Variants in CCND2 observed in about 807,000 individuals in gnomAD.
CCND2 encodes cyclin D2, also known as G1/S-specific cyclin-D2.
Under a neutral mutation model 30.2 loss-of-function variants are expected in CCND2, and 6 were observed. The ratio of observed to expected loss-of-function variants is 0.20; its 90% CI spans 0.11 to 0.39. The LOEUF (loss-of-function observed/expected upper bound fraction) is 0.39. Among genes scored for constraint, CCND2 ranks in the 10% least tolerant of loss-of-function variants. CCND2 has a pLI of 1.00. For synonymous variants in CCND2, 150 were observed against 153.1 expected (o/e 0.98, Z 0.15); for missense variants, 235 against 373.4 (o/e 0.63, Z 3.06).
intron 4 of CCND2, among the ~76,000 whole-genome samples, chr12:4,289,938 C>A (rs867436939): frequency 1.3e-5 from 2 of 152,134 alleles, no homozygotes; most frequent in Non-Finnish European, 1.5e-5. Flanking sequence ...TGAAAAAAAA[C>A]CCTGGGGTTT....
At position 4,279,361 on chromosome 12, in the gene CCND2, C is replaced by T. The variant is rs191989848; in HGVS notation, c.571+442C>T. ...AACGTCAAGATAAATATGCTGCCTG[C>T]CTTGATTAGTGGTAAGGGAGACCAA... On this transcript the variant is annotated intron_variant, in intron 3 of 4. Transcript: ENST00000261254. Among the ~76,000 whole-genome samples the T allele has an allele frequency of 4.6e-5, 7 of 151,668 alleles. No individual in the cohort carries two copies. The East Asian group carries it at 1.4e-3, about 29-fold the overall frequency.
rs1864006782 is a variant in CCND2, at chr12:4,285,210, G to A, written c.572-3632G>A. The A allele has an allele frequency of 1.2e-6, 1 of 823,834 alleles. No homozygotes were observed. Among genetic ancestry groups the A allele is most frequent in the Non-Finnish European group, 1.5e-6 (1 of 682,770 alleles). 51.0% of individuals were successfully genotyped at this position (823,834 alleles called of 1,614,324 possible). On this transcript the variant is annotated intron_variant, in intron 3 of 4. Coordinates refer to ENST00000261254, the MANE Select transcript of CCND2 (RefSeq NM_001759.4). This position sits in a 1 kb window ranked among gnomAD's most constrained non-coding sequence, Gnocchi z 4.1. Reference sequence around the variant, plus strand: ...TCCATGCTGCCTGGAACAGGGAGGAGCACATTGTCATGAGTCGATCAGAAT... The same window carrying A: ...TCCATGCTGCCTGGAACAGGGAGGAACACATTGTCATGAGTCGATCAGAAT...
rs1302702445 is a variant in CCND2, at chr12:4,276,971, C to G, written c.411+751C>G. Among the ~76,000 whole-genome samples, 1 of 152,222 alleles carries G rather than the reference C, an allele frequency of 6.6e-6. No individual in the cohort carries two copies. The highest frequency in any genetic ancestry group is 1.5e-5 in the Non-Finnish European group (1 of 68,048). ...GCCCACCTTCGGTGGTTTGCACACC[C>G]CTCTTTGCACTGTTCAGAAAAGCAC... On this transcript the variant is annotated intron_variant, in intron 2 of 4. Transcript: ENST00000261254. This position sits in a 1 kb window ranked among gnomAD's most constrained non-coding sequence, Gnocchi z 4.8.
chr12:4,299,572 A>G lies in CCND2; in HGVS notation c.721-288A>G, dbSNP rs1057322810. Reference sequence around the variant, plus strand: ...TAGGCCAGTGCTTCTCAGAATGCCAATCACCTGGGCTCCACTAAAAGGCAG... The same window carrying G: ...TAGGCCAGTGCTTCTCAGAATGCCAGTCACCTGGGCTCCACTAAAAGGCAG... On this transcript the variant is annotated intron_variant, in intron 4 of 4. Coordinates refer to ENST00000261254, the MANE Select transcript of CCND2 (RefSeq NM_001759.4). The surrounding 1 kb of genome is among the most constrained non-coding windows in gnomAD (Gnocchi z 5.2). Among the ~76,000 whole-genome samples the G allele has an allele frequency of 2.0e-5, 3 of 152,126 alleles. No individual in the cohort carries two copies. Among genetic ancestry groups the G allele is most frequent in the African/African-American group, 7.2e-5 (3 of 41,414 alleles).
In CCND2 at chr12:4,276,501, T is replaced by C. The variant is rs1863876557; in HGVS notation, c.411+281T>C. ...GGTTGGTGAGACTCATTTGCAATTG[T>C]GTATGCATGTGTGTAGGGGACGCAT... On this transcript the variant is annotated intron_variant, in intron 2 of 4. Coordinates refer to ENST00000261254, the MANE Select transcript of CCND2 (RefSeq NM_001759.4). The surrounding 1 kb of genome is among the most constrained non-coding windows in gnomAD (Gnocchi z 4.8). 6.6e-6 allele frequency among the ~76,000 whole-genome samples: 1 copy of C among 152,244 alleles called. No individual in the cohort carries two copies. The highest frequency in any genetic ancestry group is 1.5e-5 in the Non-Finnish European group (1 of 68,040).
At chr12:4,283,914 A>G (rs1006596518) in intron 3 of CCND2, among the ~76,000 whole-genome samples, 1 of 152,230 alleles carries the variant, frequency 6.6e-6, no homozygotes, top group Non-Finnish European at 1.5e-5. Context: ...TCTGCAAAGC[A>G]GCAGGAGGCT....
chr12:4,281,604 G>A (rs1055985969), intron 3 of CCND2, among the ~76,000 whole-genome samples: 5 of 152,108 alleles, frequency 3.3e-5, no homozygotes, highest in East Asian at 1.9e-4. Context: ...CCAGGGTCTC[G>A]GAGGTCCACA....
chr12:4,287,248 C>T lies in CCND2; in HGVS notation c.572-1594C>T, dbSNP rs975733005. ...CTGCGTTCATGATGGGAGGGGAGGGCTGTGCTTGGCTCAGGGATCCACGGT... is the reference window on the plus strand; with the variant it reads ...CTGCGTTCATGATGGGAGGGGAGGGTTGTGCTTGGCTCAGGGATCCACGGT... On this transcript the variant is annotated intron_variant, in intron 3 of 4. Coordinates refer to ENST00000261254, the MANE Select transcript of CCND2 (RefSeq NM_001759.4). This position sits in a 1 kb window ranked among gnomAD's most constrained non-coding sequence, Gnocchi z 4.0. Among the ~76,000 whole-genome samples, 5 of 152,254 alleles carry T rather than the reference C, an allele frequency of 3.3e-5. No homozygotes were observed. The highest frequency in any genetic ancestry group is 7.2e-5 in the African/African-American group (3 of 41,522).
intron 1 of CCND2, 101 bp from the exon 2 acceptor site, chr12:4,275,902 ATT>A (rs910989546): frequency 1.3e-6 from 1 of 754,162 alleles, no homozygotes; most frequent in South Asian, 2.0e-5. Context: ...AAAAAAATTA[ATT>A]TTTTTTGTTT....
chr12:4,288,645 A>T (rs1463198390), intron 3 of CCND2, among the ~76,000 whole-genome samples, 197 bp from the exon 4 acceptor site: 1 of 152,070 alleles, frequency 6.6e-6, no homozygotes, highest in Non-Finnish European at 1.5e-5. Context: ...TCCTTCGTTT[A>T]ATCTGGAACA....
intron 4 of CCND2, among the ~76,000 whole-genome samples, chr12:4,295,420 T>A (rs535465354): frequency 6.6e-6 from 1 of 152,240 alleles, no homozygotes; most frequent in African/African-American, 2.4e-5. Context: ...TCAGAATTCT[T>A]CATTCATGGA....
chr12:4,304,472 G>A lies in CCND2; in HGVS notation c.*4463G>A. On this transcript the variant is annotated 3_prime_UTR_variant, in exon 5 of 5. Coordinates refer to ENST00000261254, the MANE Select transcript of CCND2 (RefSeq NM_001759.4). The surrounding 1 kb of genome is among the most constrained non-coding windows in gnomAD (Gnocchi z 6.2). The stretch of plus-strand genomic sequence containing the variant: ...GAGCTGTTCATGCAGCCATCCATTT[G>A]TGCAAAATAGGGTAAGAAGATTCAA... The A allele has an allele frequency of 4.3e-6, 1 of 233,674 alleles. No homozygotes were observed. The highest frequency in any genetic ancestry group is 8.5e-6 in the Non-Finnish European group (1 of 118,022). The allele number at this position is 233,674 out of a possible 1,614,324, so 14.5% of individuals were successfully genotyped here.
At chr12:4,283,392 G>A (rs1863979325) in intron 3 of CCND2, among the ~76,000 whole-genome samples, 1 of 152,164 alleles carries the variant, frequency 6.6e-6, no homozygotes, top group Non-Finnish European at 1.5e-5. Context: ...CCTCCTGAGT[G>A]GTATATGGGA....
Position 4,305,065 on chromosome 12 carries a change from A to G in CCND2, c.*5056A>G. 4.3e-6 allele frequency: 1 copy of G among 231,076 alleles called. No individual in the cohort carries two copies. The highest frequency in any genetic ancestry group is 8.5e-6 in the Non-Finnish European group (1 of 117,692). The allele number at this position is 231,076 out of a possible 1,614,324, so 14.3% of individuals were successfully genotyped here. ...AGTCCATGTTATTCTCTCACAGTGT[A>G]CTCTATAAGAGGTGTGGGTGTCTGT... On this transcript the variant is annotated 3_prime_UTR_variant, in exon 5 of 5. Coordinates refer to ENST00000261254, the MANE Select transcript of CCND2 (RefSeq NM_001759.4). The surrounding 1 kb of genome is among the most constrained non-coding windows in gnomAD (Gnocchi z 6.4).
chr12:4,280,799 C>G (rs1425425058), intron 3 of CCND2, among the ~76,000 whole-genome samples: 1 of 152,268 alleles, frequency 6.6e-6, no homozygotes, highest in Non-Finnish European at 1.5e-5. Flanking sequence ...AACACTGTCT[C>G]TTGACTAACA....
At chr12:4,296,560 A>G (rs1864172228) in intron 4 of CCND2, among the ~76,000 whole-genome samples, 1 of 152,282 alleles carries the variant, frequency 6.6e-6, no homozygotes, top group Non-Finnish European at 1.5e-5. Flanking sequence ...GAATCCTGCC[A>G]TCTCTTTTAG....
chr12:4,276,321 C>A lies in CCND2; in HGVS notation c.411+101C>A. On this transcript the variant is annotated intron_variant, in intron 2 of 4. Coordinates refer to ENST00000261254, the MANE Select transcript of CCND2 (RefSeq NM_001759.4). This position sits in a 1 kb window ranked among gnomAD's most constrained non-coding sequence, Gnocchi z 4.8. ...CACTGCCAGAGCAAATTCTTGGGAT[C>A]CAGAATGACCCCACCAATAGAATTT... 3 of 895,014 alleles carry A rather than the reference C, an allele frequency of 3.4e-6. No homozygotes were observed. Among genetic ancestry groups the A allele is most frequent in the Non-Finnish European group, 5.2e-6 (3 of 578,558 alleles). 55.4% of individuals were successfully genotyped at this position (895,014 alleles called of 1,614,324 possible). A position where few individuals can be genotyped will look rare whatever the true frequency, so the allele number is the denominator to read the frequency against.
intron 4 of CCND2, among the ~76,000 whole-genome samples, chr12:4,298,440 A>G (rs1864204492): frequency 6.6e-6 from 1 of 152,096 alleles, no homozygotes; most frequent in Non-Finnish European, 1.5e-5. Flanking sequence ...AAAGATCGGG[A>G]GCTTGCTGTG....
At position 4,299,981 on chromosome 12, in the gene CCND2, C is replaced by A; in HGVS notation, c.842C>A (p.Pro281His). ...SEDELDQASTPTDVRDIDL is the reference protein window; with the variant it reads ...SEDELDQASTHTDVRDIDL ...GATGAACTGGACCAAGCCAGCACCC[C>A]TACAGACGTGCGGGATATCGACCTG... Residue 281 changes from proline to histidine, a missense_variant, in exon 5 of 5, where the codon CCT (proline) becomes CAT (histidine). Transcript: ENST00000261254. The surrounding 1 kb of genome is among the most constrained non-coding windows in gnomAD (Gnocchi z 5.2). 6.2e-7 allele frequency: 1 copy of A among 1,614,090 alleles called. No homozygotes were observed. The highest frequency in any genetic ancestry group is 1.3e-5 in the African/African-American group (1 of 75,038).
Sources: allele counts gnomAD v4.1 joint callset (sites outside exome capture counted in the v4.1 genomes callset), GRCh38; gene constraint gnomAD v4.1.1; non-coding constraint Gnocchi (gnomAD v3.1); transcripts MANE v1.5; gene names NCBI Gene and HGNC (gene_info 2026-07-23, HGNC 2026-07-21).